XKR4: variants seen among roughly 807,000 people sequenced by gnomAD.
The protein encoded by XKR4 is XK-related protein 4.
In XKR4, 12 loss-of-function variants were observed where a neutral mutation model predicts 53.9. The ratio of observed to expected loss-of-function variants is 0.22; its 90% CI spans 0.14 to 0.36. The LOEUF is 0.36. XKR4 is among the 10% of genes least tolerant of loss of function. The pLI is 1.00. For synonymous variants in XKR4, 354 were observed against 362.4 expected (o/e 0.98, Z 0.26); for missense variants, 799 against 859.5 (o/e 0.93, Z 0.88).
intron 1 of XKR4, among the ~76,000 whole-genome samples, chr8:55,193,099 T>TG (rs56336857): frequency 0.032 from 4,940 of 152,162 alleles, 186 homozygotes; most frequent in East Asian, 0.11. Flanking sequence ...GGTCTTCGGA[T>TG]GAAAAAAATT....
chr8:55,318,198 T>A (rs2129379085), intron 1 of XKR4, among the ~76,000 whole-genome samples: 1 of 152,296 alleles, frequency 6.6e-6, no homozygotes, highest in Non-Finnish European at 1.5e-5. Flanking sequence ...AAAATTACCC[T>A]GACTGGCCTG....
intron 1 of XKR4, among the ~76,000 whole-genome samples, chr8:55,104,274 C>T (rs1585879733): frequency 2.0e-5 from 1 of 50,014 alleles, no homozygotes. Context: ...TATTTTACAT[C>T]TATAAAAATT....
chr8:55,516,384 G>T (rs944522267), intron 2 of XKR4, among the ~76,000 whole-genome samples: 5 of 152,212 alleles, frequency 3.3e-5, no homozygotes, highest in African/African-American at 9.7e-5. Flanking sequence ...GAATGGTCAT[G>T]TGATCATCTC....
At chr8:55,438,518 A>G (rs2129394513) in intron 2 of XKR4, among the ~76,000 whole-genome samples, 1 of 141,072 alleles carries the variant, frequency 7.1e-6, no homozygotes, top group East Asian at 2.3e-4. Flanking sequence ...TCAACCTGAG[A>G]GGTGGAGGTA....
intron 1 of XKR4, among the ~76,000 whole-genome samples, chr8:55,203,384 T>C (rs551902217): frequency 1.9e-4 from 29 of 152,278 alleles, no homozygotes; most frequent in Admixed American, 5.9e-4. Flanking sequence ...GTTGGCTTTA[T>C]TGCACCTAGT....
chr8:55,507,475 A>G (rs953731174), intron 2 of XKR4, among the ~76,000 whole-genome samples: 10 of 152,138 alleles, frequency 6.6e-5, no homozygotes, highest in Non-Finnish European at 1.3e-4. Flanking sequence ...AACATCAGGT[A>G]TATCTCCCAA....
chr8:55,230,352 A>G lies in XKR4; in HGVS notation c.806+127058A>G, dbSNP rs192574828. ...ATCTATGGTGGCAATGATTATGTTT[A>G]GAAAGAGACACTTTTTTTTTTTTTT... On this transcript the variant is annotated intron_variant, in intron 1 of 2. Coordinates refer to ENST00000327381, the MANE Select transcript of XKR4 (RefSeq NM_052898.2). 1.5e-4 allele frequency among the ~76,000 whole-genome samples: 22 copies of G among 142,944 alleles called. No homozygotes were observed. In the East Asian group the frequency reaches 4.4e-3, roughly 28 times the overall value. The allele number at this position is 142,944 out of a possible 152,430, so 93.8% of individuals were successfully genotyped here.
intron 2 of XKR4, among the ~76,000 whole-genome samples, chr8:55,475,254 G>A (rs1490850853): frequency 2.0e-5 from 3 of 152,036 alleles, no homozygotes; most frequent in Admixed American, 1.3e-4. Context: ...TAGAATAATA[G>A]CCGCACTATA....
chr8:55,171,206 T>C (rs527720799), intron 1 of XKR4, among the ~76,000 whole-genome samples: 17 of 152,266 alleles, frequency 1.1e-4, no homozygotes, highest in African/African-American at 3.4e-4. Context: ...AAAAATACAT[T>C]TCTGAGTAAT....
In XKR4 at chr8:55,289,637, GA is replaced by G. The variant is rs1563316423; in HGVS notation, c.807-68038del. Among the ~76,000 whole-genome samples the G allele has an allele frequency of 1.5e-3, 177 of 116,538 alleles. 4 individuals carry two copies. The highest frequency in any genetic ancestry group is 8.5e-3 in the Admixed American group (94 of 11,010). 76.5% of individuals were successfully genotyped at this position (116,538 alleles called of 152,430 possible). ...AGAAAGAAAGAAAGAAAGAAAGAAA[GA>G]AAGAAAGAAAGGAAGGAAGGAAAAG... On this transcript the variant is annotated intron_variant, in intron 1 of 2. Coordinates refer to ENST00000327381, the MANE Select transcript of XKR4 (RefSeq NM_052898.2).
At chr8:55,115,419 T>C (rs1453179927) in intron 1 of XKR4, among the ~76,000 whole-genome samples, 4 of 151,850 alleles carry the variant, frequency 2.6e-5, no homozygotes, top group Non-Finnish European at 5.9e-5. Flanking sequence ...AATCTCCTTA[T>C]AGACAATGCT....
intron 1 of XKR4, among the ~76,000 whole-genome samples, chr8:55,284,217 T>C (rs1265606707): frequency 6.6e-6 from 1 of 152,248 alleles, no homozygotes; most frequent in African/African-American, 2.4e-5. Flanking sequence ...ATTATATCAA[T>C]AAATTTACTA....
chr8:55,540,616 TC>T lies in XKR4; in HGVS notation c.*16392del, dbSNP rs1291838402. 6.6e-6 allele frequency: 1 copy of T among 152,176 alleles called. No individual in the cohort carries two copies. Among genetic ancestry groups the T allele is most frequent in the African/African-American group, 2.4e-5 (1 of 41,448 alleles). The allele number at this position is 152,176 out of a possible 1,614,324, so 9.4% of individuals were successfully genotyped here. On this transcript the variant is annotated 3_prime_UTR_variant, in exon 3 of 3. Coordinates refer to ENST00000327381, the MANE Select transcript of XKR4 (RefSeq NM_052898.2). ...ATGAAGGATATGCAAATTACATTTT[TC>T]CCATTCTCAGAACAAAGACAGCAAC...
chr8:55,472,449 T>C (rs1439469495), intron 2 of XKR4, among the ~76,000 whole-genome samples: 4 of 152,124 alleles, frequency 2.6e-5, no homozygotes, highest in South Asian at 2.1e-4. Flanking sequence ...TGACTATTAT[T>C]AGTATGTATA....
intron 2 of XKR4, among the ~76,000 whole-genome samples, chr8:55,434,422 T>TGG (rs1805146054): frequency 6.6e-6 from 1 of 151,678 alleles, no homozygotes; most frequent in Non-Finnish European, 1.5e-5. Context: ...TGTGTGTGTG[T>TGG]GTGTGTGTGT....
At chr8:55,491,936 G>C (rs1426328954) in intron 2 of XKR4, among the ~76,000 whole-genome samples, 1 of 152,182 alleles carries the variant, frequency 6.6e-6, no homozygotes, top group East Asian at 1.9e-4. Context: ...AACTCAAGAG[G>C]ATGCCGATGC....
intron 2 of XKR4, among the ~76,000 whole-genome samples, chr8:55,407,306 T>C (rs967362162): frequency 6.6e-6 from 1 of 152,190 alleles, no homozygotes; most frequent in African/African-American, 2.4e-5. Context: ...AGCGGGGCTT[T>C]CGCACTGCTT....
chr8:55,304,160 A>C (rs1819252428), intron 1 of XKR4, among the ~76,000 whole-genome samples: 1 of 152,002 alleles, frequency 6.6e-6, no homozygotes, highest in African/African-American at 2.4e-5. Flanking sequence ...CCCTCTACAC[A>C]CTGCTTTGAA....
intron 1 of XKR4, among the ~76,000 whole-genome samples, chr8:55,130,568 A>G (rs893501503): frequency 2.6e-5 from 4 of 152,188 alleles, no homozygotes; most frequent in South Asian, 4.1e-4. Flanking sequence ...GATTTACTCT[A>G]TCTGCCTCAT....
Sources: gnomAD v4.1 joint callset for allele counts (sites outside exome capture counted in the v4.1 genomes callset) on GRCh38, gnomAD v4.1.1 for gene constraint, MANE v1.5 for transcripts, NCBI Gene and HGNC (gene_info 2026-07-23, HGNC 2026-07-21) for gene names.